Variants in DNMT3B observed in about 807,000 individuals in gnomAD.
DNMT3B encodes DNA methyltransferase 3 beta, also known as DNA (cytosine-5)-methyltransferase 3B.
Under a neutral mutation model 120.2 loss-of-function variants are expected in DNMT3B, and 37 were observed. The observed-to-expected ratio is 0.31, with a 90% CI of 0.24 to 0.40. The LOEUF (loss-of-function observed/expected upper bound fraction) is 0.40. DNMT3B is among the 10% of genes least tolerant of loss of function. The probability of loss-of-function intolerance (pLI) is 1.00; values close to 1 mark genes in which losing one functional copy is unlikely to be tolerated. For missense variants in DNMT3B, 878 were observed against 1,137.3 expected (o/e 0.77, Z 3.28); for synonymous variants, 412 against 442.8 (o/e 0.93, Z 0.87).
chr20:32,781,230 T>G, intron 2 of DNMT3B, 123 bp from the exon 3 acceptor site: 1 of 933,194 alleles, frequency 1.1e-6, no homozygotes, highest in East Asian at 2.5e-5. Context: ...CAAATCCCTG[T>G]GGCTGACAAT....
At chr20:32,765,758 CTTT>C (rs532836566) in intron 1 of DNMT3B, among the ~76,000 whole-genome samples, 1 of 67,136 alleles carries the variant, frequency 1.5e-5, no homozygotes, top group African/African-American at 2.1e-4. Flanking sequence ...TTCTTTTTTT[CTTT>C]TTTTTTTTTT....
chr20:32,763,878 T>G (rs910288014), intron 1 of DNMT3B, among the ~76,000 whole-genome samples: 2 of 152,200 alleles, frequency 1.3e-5, no homozygotes, highest in African/African-American at 4.8e-5. Flanking sequence ...GTATGAACTT[T>G]GAGTTGCCTC....
At position 32,808,534 on chromosome 20, in the gene DNMT3B, A is replaced by G. The variant is rs1345733317; in HGVS notation, c.*631A>G. 2 of 231,814 alleles carry G rather than the reference A, an allele frequency of 8.6e-6. No individual in the cohort carries two copies. The highest frequency in any genetic ancestry group is 1.7e-5 in the Non-Finnish European group (2 of 117,226). 14.4% of individuals were successfully genotyped at this position (231,814 alleles called of 1,614,324 possible). A position where few individuals can be genotyped will look rare whatever the true frequency, so the allele number is the denominator to read the frequency against. ...ACCTATTAGAGTATTTTCCACAATG[A>G]TGATGATTTCAGCAGGGATGACGTC... On this transcript the variant is annotated 3_prime_UTR_variant, in exon 23 of 23. Transcript: ENST00000328111.
intron 3 of DNMT3B, among the ~76,000 whole-genome samples, chr20:32,784,166 G>A (rs1036095969): frequency 6.6e-6 from 1 of 152,062 alleles, no homozygotes; most frequent in Admixed American, 6.6e-5. Context: ...ATCCACCCGC[G>A]TCGGCCTCCC....
chr20:32,784,912 A>G (rs569813449), intron 4 of DNMT3B, 53 bp downstream of exon 4: 2 of 1,553,076 alleles, frequency 1.3e-6, no homozygotes, highest in African/African-American at 1.4e-5. Context: ...TCTACATAGC[A>G]TACATAGCAT....
intron 2 of DNMT3B, 29 bp downstream of exon 2, chr20:32,780,494 G>A: frequency 6.2e-7 from 1 of 1,607,908 alleles, no homozygotes; most frequent in Non-Finnish European, 8.5e-7. Flanking sequence ...CTGGGGTGGT[G>A]TCAGGCGCTG....
At chr20:32,784,654 C>T (rs553395390) in intron 3 of DNMT3B, 104 bp from the exon 4 acceptor site, 13 of 1,287,914 alleles carry the variant, frequency 1.0e-5, no homozygotes, top group Non-Finnish European at 1.4e-5. Context: ...CCCGGTCTCC[C>T]TGCCAGGCAC....
intron 9 of DNMT3B, among the ~76,000 whole-genome samples, 178 bp from the exon 10 acceptor site, chr20:32,793,358 C>G (rs1333584568): frequency 2.0e-5 from 3 of 152,096 alleles, no homozygotes; most frequent in Non-Finnish European, 4.4e-5. Context: ...TCCCAGCTAC[C>G]CGGGAGGCTG....
chr20:32,789,372 G>A (rs913160985), intron 7 of DNMT3B, among the ~76,000 whole-genome samples: 3 of 152,186 alleles, frequency 2.0e-5, no homozygotes, highest in East Asian at 1.9e-4. Context: ...GCATGGCCGC[G>A]GCCTCTTGTC....
Sources: allele counts gnomAD v4.1 joint callset (sites outside exome capture counted in the v4.1 genomes callset), GRCh38; gene constraint gnomAD v4.1.1; transcripts MANE v1.5; gene names NCBI Gene and HGNC (gene_info 2026-07-23, HGNC 2026-07-21).